EPHA4: variants seen among roughly 807,000 people sequenced by gnomAD.
EPHA4 encodes the protein ephrin type-A receptor 4.
EPHA4 carries 19 observed loss-of-function variants against 108.3 expected under a neutral mutation model. The observed-to-expected ratio is 0.18, with a 90% CI of 0.12 to 0.26. The LOEUF (loss-of-function observed/expected upper bound fraction) is 0.26, where lower values mean the gene tolerates loss of function less well. Among genes scored for constraint, EPHA4 ranks in the 10% least tolerant of loss-of-function variants. The pLI is 1.00. For missense variants in EPHA4, 917 were observed against 1,254.0 expected (o/e 0.73, Z 4.06); for synonymous variants, 449 against 455.5 (o/e 0.99, Z 0.18).
intron 5 of EPHA4, among the ~76,000 whole-genome samples, chr2:221,477,504 C>T (rs1176375322): frequency 6.6e-6 from 1 of 152,186 alleles, no homozygotes; most frequent in Non-Finnish European, 1.5e-5. Flanking sequence ...GGCTTCTACC[C>T]ACTAGATGCA....
chr2:221,458,035 A>G (rs762874270), intron 5 of EPHA4, 45 bp from the exon 6 acceptor site: 1 of 1,591,392 alleles, frequency 6.3e-7, no homozygotes, highest in South Asian at 1.1e-5. Context: ...CTTTAGGAAA[A>G]TAAATGGTTT....
At chr2:221,438,727 G>T (rs1220874276) in intron 11 of EPHA4, among the ~76,000 whole-genome samples, 3 of 152,144 alleles carry the variant, frequency 2.0e-5, no homozygotes, top group Admixed American at 6.5e-5. Context: ...AGAGGTTGCA[G>T]TGAGCCGAGA....
chr2:221,446,167 C>A lies in EPHA4; in HGVS notation c.1730G>T (p.Ser577Ile). The change falls in exon 9 of 18, where the codon AGT becomes ATT. Residue 577 changes from serine to isoleucine, a missense_variant. By Grantham distance (142) the Ser-to-Ile change is moderately radical. Coordinates refer to ENST00000281821, the MANE Select transcript of EPHA4 (RefSeq NM_004438.5). ...FVISRRRSKY[S>I]KAKQEADEEK... ...TTCATCCGCTTCTTGTTTGGCTTTA[C>A]TGTATTTACTCCGTCTATTAAAATT... is the stretch of plus-strand genomic sequence containing the variant. The A allele has an allele frequency of 1.9e-6, 3 of 1,539,066 alleles. No individual in the cohort carries two copies. The highest frequency in any genetic ancestry group is 2.0e-5 in the Admixed American group (1 of 49,924).
chr2:221,500,047 G>A (rs750309800), intron 4 of EPHA4, among the ~76,000 whole-genome samples: 4 of 151,796 alleles, frequency 2.6e-5, no homozygotes, highest in African/African-American at 7.3e-5. Context: ...GTGAGCCACC[G>A]CTCCCGGCCA....
intron 5 of EPHA4, among the ~76,000 whole-genome samples, chr2:221,467,738 G>A (rs1691354680): frequency 6.6e-6 from 1 of 152,194 alleles, no homozygotes; most frequent in African/African-American, 2.4e-5. Flanking sequence ...AAGTGTCTTT[G>A]CTGCAGTTCA....
intron 13 of EPHA4, among the ~76,000 whole-genome samples, chr2:221,435,436 C>A (rs970422211): frequency 2.0e-5 from 3 of 152,032 alleles, no homozygotes; most frequent in Non-Finnish European, 2.9e-5. Flanking sequence ...GCATAAGAAT[C>A]AAAACTGGAG....
intron 17 of EPHA4, among the ~76,000 whole-genome samples, chr2:221,421,528 A>C (rs907867208): frequency 1.3e-5 from 2 of 152,226 alleles, no homozygotes; most frequent in Admixed American, 6.5e-5. Flanking sequence ...CTCCTTCCAC[A>C]TATCAAGAAC....
intron 3 of EPHA4, among the ~76,000 whole-genome samples, chr2:221,555,516 G>T (rs1201826656): frequency 6.6e-6 from 1 of 152,188 alleles, no homozygotes; most frequent in Non-Finnish European, 1.5e-5. Context: ...CAACATGTGT[G>T]TTTCCCAGGA....
chr2:221,493,617 A>T (rs879276728), intron 4 of EPHA4, among the ~76,000 whole-genome samples: 1 of 152,186 alleles, frequency 6.6e-6, no homozygotes, highest in East Asian at 1.9e-4. Flanking sequence ...TCATTTCATT[A>T]TGGCTCATTA....
chr2:221,492,994 G>A (rs1036240711), intron 4 of EPHA4, among the ~76,000 whole-genome samples: 2 of 152,178 alleles, frequency 1.3e-5, no homozygotes, highest in East Asian at 1.9e-4. Context: ...ATATGTTCAC[G>A]AAAATGATTG....
At chr2:221,491,478 C>A (rs1458581870) in intron 4 of EPHA4, among the ~76,000 whole-genome samples, 1 of 152,186 alleles carries the variant, frequency 6.6e-6, no homozygotes, top group Non-Finnish European at 1.5e-5. Context: ...GAAACCCTGA[C>A]TCCAAGGCTA....
intron 14 of EPHA4, among the ~76,000 whole-genome samples, chr2:221,430,589 C>A (rs536634160): frequency 2.0e-5 from 3 of 152,248 alleles, no homozygotes; most frequent in Admixed American, 6.5e-5. Context: ...TAGCTGTCTC[C>A]AAAATGGAAT....
In EPHA4 at chr2:221,426,559, G is replaced by A. The variant is rs148626608; in HGVS notation, c.2751C>T (p.Gly917=). 108 of 1,613,904 alleles carry A rather than the reference G, an allele frequency of 6.7e-5. No individual in the cohort carries two copies. The highest frequency in any genetic ancestry group is 1.6e-4 in the Middle Eastern group (1 of 6,082). ...CCATTTTAATGGCCTGGAGCCAATCGCCCACTGATACCACAGCAGAGAATT... is the reference window on the plus strand; with the variant it reads ...CCATTTTAATGGCCTGGAGCCAATCACCCACTGATACCACAGCAGAGAATT... ...SPEFSAVVSV[G]DWLQAIKMDR... The change falls in exon 16 of 18, where the codon GGC becomes GGT. Residue 917 remains glycine, a synonymous_variant. Coordinates refer to ENST00000281821, the MANE Select transcript of EPHA4 (RefSeq NM_004438.5).
At chr2:221,572,109 C>T (rs377716149) in intron 1 of EPHA4, 49 bp downstream of exon 1, 18 of 1,514,582 alleles carry the variant, frequency 1.2e-5, no homozygotes, top group Non-Finnish European at 1.4e-5. Flanking sequence ...CCCTCACCCG[C>T]GATGGCCCCT....
chr2:221,459,040 G>A (rs552318679), intron 5 of EPHA4, among the ~76,000 whole-genome samples: 37 of 152,254 alleles, frequency 2.4e-4, no homozygotes, highest in African/African-American at 6.3e-4. Flanking sequence ...CAATACATGC[G>A]TATGAATGCC....
chr2:221,531,643 A>T lies in EPHA4; in HGVS notation c.824-30471T>A, dbSNP rs565277964. Among the ~76,000 whole-genome samples, 612 of 152,290 alleles carry T rather than the reference A, an allele frequency of 4.0e-3. 7 individuals carry two copies. Among genetic ancestry groups the T allele is most frequent in the African/African-American group, 0.014 (592 of 41,562 alleles). On this transcript the variant is annotated intron_variant, in intron 3 of 17. Coordinates refer to ENST00000281821, the MANE Select transcript of EPHA4 (RefSeq NM_004438.5). The stretch of plus-strand genomic sequence containing the variant: ...TTTTTCTTCATTGGTGTAGTATCTA[A>T]AAAGCTTTTTTTTTCTTTGAAGAAC...
rs1694681667 is a variant in EPHA4 at position 221,566,969 on chromosome 2, G to GGAAGAGGAAGAAGAAGAA, written c.159+1748_159+1749insTTCTTCTTCTTCCTCTTC. Among the ~76,000 whole-genome samples the GGAAGAGGAAGAAGAAGAA allele has an allele frequency of 9.4e-4, 26 of 27,644 alleles. 5 individuals carry two copies. The highest frequency in any genetic ancestry group is 1.1e-3 in the Non-Finnish European group (18 of 16,168). 18.1% of individuals were successfully genotyped at this position (27,644 alleles called of 152,430 possible). ...GAGAAGGAGAAGGGGAAGAGGAAGA[G>GGAAGAGGAAGAAGAAGAA]GAAGAAGAAGAAGAAGAAGAAGAAG... On this transcript the variant is annotated intron_variant, in intron 2 of 17. Transcript: ENST00000281821.
chr2:221,454,661 C>T (rs570805087), intron 8 of EPHA4, among the ~76,000 whole-genome samples: 2 of 152,220 alleles, frequency 1.3e-5, no homozygotes, highest in South Asian at 2.1e-4. Flanking sequence ...ACAAAGAAGG[C>T]CCAGATGTGG....
At chr2:221,452,925 C>T (rs1442813039) in intron 8 of EPHA4, among the ~76,000 whole-genome samples, 1 of 152,206 alleles carries the variant, frequency 6.6e-6, no homozygotes, top group Non-Finnish European at 1.5e-5. Flanking sequence ...ATAAACTTGT[C>T]TCCCCGCATT....
Sources: gnomAD v4.1 joint callset for allele counts (sites outside exome capture counted in the v4.1 genomes callset) on GRCh38, gnomAD v4.1.1 for gene constraint, MANE v1.5 for transcripts, NCBI Gene and HGNC (gene_info 2026-07-23, HGNC 2026-07-21) for gene names.